The following AFF1 variants were observed in gnomAD, a reference collection of about 807,000 sequenced individuals.
AFF1 encodes the protein AF4/FMR2 family member 1.
In AFF1, 48 loss-of-function variants were observed where a neutral mutation model predicts 121.7. The ratio of observed to expected loss-of-function variants is 0.39; its 90% confidence interval spans 0.31 to 0.50. AFF1 has a LOEUF of 0.50. Ranked by LOEUF, AFF1 falls within the 20% of genes least tolerant of loss-of-function variation. The probability of loss-of-function intolerance (pLI) is 0.76; values close to 1 mark genes in which losing one functional copy is unlikely to be tolerated. For missense variants in AFF1, 1,523 were observed against 1,511.7 expected, an observed-to-expected ratio of 1.01 and a Z score of -0.12; for synonymous variants, 613 against 563.0, an observed-to-expected ratio of 1.09 and a Z score of -1.26.
intron 4 of AFF1, among the ~76,000 whole-genome samples, chr4:87,055,354 G>C (rs1213206133): frequency 3.3e-5 from 5 of 152,178 alleles, no homozygotes; most frequent in Non-Finnish European, 5.9e-5. Context: ...GAAACTGGAA[G>C]AACTTTTTGG....
chr4:86,980,706 C>T (rs935835353), intron 2 of AFF1, among the ~76,000 whole-genome samples: 3 of 151,920 alleles, frequency 2.0e-5, no homozygotes, highest in Non-Finnish European at 4.4e-5. Flanking sequence ...AAAAGAATAA[C>T]GAATAGAAAG....
In AFF1 at chr4:87,048,609, G is replaced by A. The variant is rs1445570061; in HGVS notation, c.1059+1015G>A. ...AGATATGTTTTACATAATGCCAGAA[G>A]GTGAAATTCCTCAGGTGGGGGCGTG... On this transcript the variant is annotated intron_variant, in intron 4 of 20. Transcript: ENST00000395146. Among the ~76,000 whole-genome samples, 6 of 152,266 alleles carry A rather than the reference G, an allele frequency of 3.9e-5. No homozygotes were observed. The East Asian group carries it at 9.7e-4, about 25-fold the overall frequency.
intron 2 of AFF1, among the ~76,000 whole-genome samples, chr4:87,005,780 A>G (rs2149526335): frequency 6.6e-6 from 1 of 152,300 alleles, no homozygotes; most frequent in Admixed American, 6.5e-5. Flanking sequence ...TGCTTGCTTC[A>G]TTAACGACAA....
intron 2 of AFF1, among the ~76,000 whole-genome samples, chr4:86,988,572 C>T (rs1724471393): frequency 6.6e-6 from 1 of 152,156 alleles, no homozygotes; most frequent in Non-Finnish European, 1.5e-5. Context: ...ACATTCCGTG[C>T]TCATGGATAG....
Position 87,056,865 on chromosome 4 carries a change from G to T in AFF1, c.1059+9271G>T, listed in dbSNP as rs1028364241. Among the ~76,000 whole-genome samples, 4 of 152,126 alleles carry T rather than the reference G, an allele frequency of 2.6e-5. No homozygotes were observed. In the East Asian group the frequency reaches 5.8e-4, roughly 22 times the overall value. On this transcript the variant is annotated intron_variant, in intron 4 of 20. Transcript: ENST00000395146. ...GAAAACTATTCTAAATGCTTTATAG[G>T]TGCTAACTCATTTCATATTCACGAT...
chr4:86,944,624 A>G (rs559182894), intron 1 of AFF1, among the ~76,000 whole-genome samples: 6 of 152,260 alleles, frequency 3.9e-5, no homozygotes, highest in African/African-American at 1.4e-4. Flanking sequence ...GATTACAGAC[A>G]GCCGCGGCGC....
rs374081500 is a variant in AFF1, at chr4:87,046,796, G to A, written c.261G>A (p.Leu87=). 2.5e-6 allele frequency: 4 copies of A among 1,613,994 alleles called. No individual in the cohort carries two copies. Among genetic ancestry groups the A allele is most frequent in the Non-Finnish European group, 1.7e-6 (2 of 1,180,014 alleles). The change falls in exon 4 of 21, where the codon CTG becomes CTA. Residue 87 remains leucine (L), a synonymous_variant. Transcript: ENST00000395146. The part of the protein sequence containing the change: ...FLSTKSHTHR[L]DASENRLGKP... ...GTACTAAGTCTCACACTCATCGCCT[G>A]GATGCTTCTGAAAATAGGTTGGGAA...
chr4:87,129,008 A>G (rs1728563959), intron 16 of AFF1, among the ~76,000 whole-genome samples: 1 of 152,228 alleles, frequency 6.6e-6, no homozygotes, highest in African/African-American at 2.4e-5. Context: ...CTCGTTATTC[A>G]AAGGAGTAAT....
At position 87,047,501 on chromosome 4, in the gene AFF1, G is replaced by A. The variant is rs750507993; in HGVS notation, c.966G>A (p.Glu322=). ...SESPELKPLP[E]DYRQQTFEKT... ...CCCCTGAACTGAAACCACTGCCGGA[G>A]GACTATCGACAGCAGACCTTTGAAA... Residue 322 remains glutamate, a synonymous_variant, in exon 4 of 21, where the codon GAG becomes GAA. Transcript: ENST00000395146. 6.2e-7 allele frequency: 1 copy of A among 1,614,180 alleles called. No homozygotes were observed. The highest frequency in any genetic ancestry group is 8.5e-7 in the Non-Finnish European group (1 of 1,180,046).
At chr4:87,126,999 A>T (rs1311584402) in intron 14 of AFF1, 27 bp from the exon 15 acceptor site, 4 of 1,587,688 alleles carry the variant, frequency 2.5e-6, no homozygotes, top group Non-Finnish European at 3.5e-6. Flanking sequence ...TTAGAGTGTA[A>T]TCTGTATATT....
intron 2 of AFF1, among the ~76,000 whole-genome samples, chr4:86,978,616 A>G (rs1417478999): frequency 6.6e-6 from 1 of 151,848 alleles, no homozygotes; most frequent in Non-Finnish European, 1.5e-5. Flanking sequence ...AACCAATATA[A>G]TATAAAGTTT....
chr4:87,062,049 C>T (rs766997393), intron 4 of AFF1, among the ~76,000 whole-genome samples: 2 of 152,052 alleles, frequency 1.3e-5, no homozygotes, highest in Non-Finnish European at 2.9e-5. Context: ...TCTTTTTAGA[C>T]GGCTGTTCCC....
At chr4:86,938,827 T>C (rs1009651317) in intron 1 of AFF1, among the ~76,000 whole-genome samples, 2 of 152,230 alleles carry the variant, frequency 1.3e-5, no homozygotes, top group Non-Finnish European at 2.9e-5. Flanking sequence ...GGGTTGCTAA[T>C]AGGAGTTTCT....
At chr4:87,040,156 A>G (rs1000859566) in intron 2 of AFF1, among the ~76,000 whole-genome samples, 1 of 152,120 alleles carries the variant, frequency 6.6e-6, no homozygotes, top group African/African-American at 2.4e-5. Context: ...CGGCCTCCCA[A>G]AGTGCTGGGA....
chr4:87,008,813 C>T (rs1726435145), intron 2 of AFF1, among the ~76,000 whole-genome samples: 1 of 152,134 alleles, frequency 6.6e-6, no homozygotes, highest in Admixed American at 6.5e-5. Flanking sequence ...TAAAGAAAAA[C>T]ACTACTGTAC....
chr4:87,137,790 C>G lies in AFF1; in HGVS notation c.*2089C>G. The G allele has an allele frequency of 4.3e-6, 1 of 232,122 alleles. No individual in the cohort carries two copies. The highest frequency in any genetic ancestry group is 6.1e-5 in the East Asian group (1 of 16,452). 14.4% of individuals were successfully genotyped at this position (232,122 alleles called of 1,614,324 possible). A position where few individuals can be genotyped will look rare whatever the true frequency, so the allele number is the denominator to read the frequency against. On this transcript the variant is annotated 3_prime_UTR_variant, in exon 21 of 21. Transcript: ENST00000395146. ...ATTGAAGATGTTATTTAACATCTTT[C>G]TTTTTTCCTTACTCCCTTAGCCATC...
intron 4 of AFF1, among the ~76,000 whole-genome samples, chr4:87,068,257 G>GCCCCCCCCCCCCCCC (rs70957204): frequency 8.3e-6 from 1 of 120,132 alleles, no homozygotes; most frequent in Non-Finnish European, 1.7e-5. Context: ...CATGAAAATT[G>GCCCCCCCCCCCCCCC]CCCCCCCCCC....
chr4:87,129,451 T>C (rs1728602352), intron 16 of AFF1, among the ~76,000 whole-genome samples: 1 of 152,190 alleles, frequency 6.6e-6, no homozygotes, highest in Non-Finnish European at 1.5e-5. Flanking sequence ...TATTGACAAA[T>C]TGCTACACAG....
chr4:87,123,311 T>C (rs1727903671), intron 12 of AFF1, among the ~76,000 whole-genome samples: 2 of 152,218 alleles, frequency 1.3e-5, no homozygotes, highest in Non-Finnish European at 2.9e-5. Flanking sequence ...TATTACATTC[T>C]CTTTTTTCTA....
Sources: gnomAD v4.1 joint callset for allele counts (sites outside exome capture counted in the v4.1 genomes callset) on GRCh38, gnomAD v4.1.1 for gene constraint, MANE v1.5 for transcripts, NCBI Gene and HGNC (gene_info 2026-07-23, HGNC 2026-07-21) for gene names.